FGF12: variants seen among roughly 807,000 people sequenced by gnomAD.
FGF12 encodes fibroblast growth factor 12B.
Under a neutral mutation model 23.6 loss-of-function variants are expected in FGF12, and 14 were observed. That is an observed-to-expected ratio of 0.59 (90% CI 0.39 to 0.93). The LOEUF is 0.93. Ranked by LOEUF, FGF12 falls within the 40% of genes least tolerant of loss-of-function variation. The pLI is 0.00. For synonymous variants in FGF12, 62 were observed against 77.3 expected, an observed-to-expected ratio of 0.80 and a Z score of 1.04; for missense variants, 175 against 217.8, an observed-to-expected ratio of 0.80 and a Z score of 1.24.
chr3:192,422,738 A>G (rs1721571439), intron 2 of FGF12, among the ~76,000 whole-genome samples: 1 of 152,206 alleles, frequency 6.6e-6, no homozygotes, highest in Non-Finnish European at 1.5e-5. Flanking sequence ...TAACTTGGCT[A>G]AGGTTATACA....
chr3:192,600,327 T>C (rs577570663), intron 2 of FGF12, among the ~76,000 whole-genome samples: 1 of 152,258 alleles, frequency 6.6e-6, no homozygotes, highest in African/African-American at 2.4e-5. Flanking sequence ...GGTAGTGTGA[T>C]GCCTTCAGCT....
chr3:192,516,546 A>G (rs1724674414), intron 2 of FGF12: 1 of 152,246 alleles, frequency 6.6e-6, no homozygotes, highest in Admixed American at 6.5e-5. Flanking sequence ...GCCTGGAAGA[A>G]GTCTCTTCCT....
intron 5 of FGF12, among the ~76,000 whole-genome samples, chr3:192,145,930 A>G (rs34309730): frequency 0.48 from 73,119 of 151,746 alleles, 19,082 homozygotes; most frequent in Non-Finnish European, 0.59. Context: ...CTATTATAAA[A>G]AAAATTAAAA....
intron 2 of FGF12, among the ~76,000 whole-genome samples, chr3:192,604,135 T>A (rs563385237): frequency 8.6e-4 from 131 of 152,254 alleles, no homozygotes; most frequent in African/African-American, 3.0e-3. Flanking sequence ...TATGGCTCTT[T>A]TTGCATGCAC....
intron 4 of FGF12, among the ~76,000 whole-genome samples, chr3:192,174,985 G>C (rs763119521): frequency 5.9e-5 from 9 of 152,132 alleles, no homozygotes; most frequent in Non-Finnish European, 1.2e-4. Context: ...CTCAATTCTG[G>C]TTTTTGTCAC....
At chr3:192,437,217 C>CA (rs1722052479) in intron 2 of FGF12, among the ~76,000 whole-genome samples, 1 of 151,770 alleles carries the variant, frequency 6.6e-6, no homozygotes, top group African/African-American at 2.4e-5. Flanking sequence ...TTGCAGACTA[C>CA]AAAAAAATAC....
chr3:192,285,170 C>T (rs1714379496), intron 4 of FGF12, among the ~76,000 whole-genome samples: 1 of 152,026 alleles, frequency 6.6e-6, no homozygotes, highest in African/African-American at 2.4e-5. Flanking sequence ...TCATGTTCTG[C>T]CAGTTTAATC....
At chr3:192,194,382 A>C (rs1471389607) in intron 4 of FGF12, among the ~76,000 whole-genome samples, 1 of 152,212 alleles carries the variant, frequency 6.6e-6, no homozygotes, top group Non-Finnish European at 1.5e-5. Context: ...AGGCTGAGTG[A>C]GAGCTATGAA....
intron 2 of FGF12, among the ~76,000 whole-genome samples, chr3:192,381,462 G>T (rs1434892346): frequency 3.3e-5 from 5 of 152,138 alleles, no homozygotes. Context: ...GAACAAGGCG[G>T]TATGGCTAGT....
chr3:192,443,811 T>A (rs1345555689), intron 2 of FGF12, among the ~76,000 whole-genome samples: 2 of 152,186 alleles, frequency 1.3e-5, no homozygotes, highest in African/African-American at 4.8e-5. Flanking sequence ...CCCATCATGG[T>A]CAAGTTCTGC....
intron 5 of FGF12, among the ~76,000 whole-genome samples, chr3:192,147,386 A>G (rs1281543327): frequency 1.3e-5 from 2 of 152,220 alleles, no homozygotes; most frequent in East Asian, 1.9e-4. Context: ...CTTCAGTAAT[A>G]TAACTGCCTT....
intron 2 of FGF12, among the ~76,000 whole-genome samples, chr3:192,628,702 T>TAC (rs1356225338): frequency 6.7e-6 from 1 of 149,724 alleles, no homozygotes; most frequent in Non-Finnish European, 1.5e-5. Context: ...TATGTATATA[T>TAC]ACACATAAAT....
At chr3:192,593,773 T>C (rs1211901017) in intron 2 of FGF12, among the ~76,000 whole-genome samples, 1 of 151,956 alleles carries the variant, frequency 6.6e-6, no homozygotes, top group African/African-American at 2.4e-5. Context: ...TTCTTTGTTC[T>C]GGGTTGCTTC....
At chr3:192,322,128 A>G (rs1213105836) in intron 4 of FGF12, among the ~76,000 whole-genome samples, 2 of 152,176 alleles carry the variant, frequency 1.3e-5, no homozygotes, top group African/African-American at 4.8e-5. Context: ...GTTAAGTTTC[A>G]GGGTACAAAA....
At chr3:192,302,248 T>C (rs745519102) in intron 4 of FGF12, among the ~76,000 whole-genome samples, 2 of 152,216 alleles carry the variant, frequency 1.3e-5, no homozygotes, top group African/African-American at 2.4e-5. Flanking sequence ...TGTAGGCAAC[T>C]GACTTTGTGA....
chr3:192,432,355 A>G (rs75327999), intron 2 of FGF12, among the ~76,000 whole-genome samples: 1,867 of 152,296 alleles, frequency 0.012, 40 homozygotes, highest in African/African-American at 0.043. Context: ...ACCTTAAAGA[A>G]TAAGAGACAT....
At chr3:192,386,154 T>A (rs975157255) in intron 2 of FGF12, among the ~76,000 whole-genome samples, 2 of 152,200 alleles carry the variant, frequency 1.3e-5, no homozygotes, top group African/African-American at 4.8e-5. Context: ...ATGAACACAG[T>A]CTTCTCTTTC....
Position 192,476,142 on chromosome 3 carries a change from C to T in FGF12, c.14-115604G>A, listed in dbSNP as rs149755444. ...AAAGACTTTCCATACATGGCCTAAA[C>T]ATTGGCTTCAGAGATCACATGTGAG... On this transcript the variant is annotated intron_variant, in intron 2 of 5. Transcript: ENST00000445105. Among the ~76,000 whole-genome samples, 36 of 152,202 alleles carry T rather than the reference C, an allele frequency of 2.4e-4. No homozygotes were observed. The East Asian group carries it at 5.8e-3, about 25-fold the overall frequency.
chr3:192,336,861 A>C lies in FGF12; in HGVS notation c.125-1397T>G, dbSNP rs2108702740. ...AATGTTCAATTGACAGTTGTAGAGG[A>C]TCAAGTCTTAGACCACAAGTTTAGT... On this transcript the variant is annotated intron_variant, in intron 3 of 5. Transcript: ENST00000445105. The surrounding 1 kb of genome is among the most constrained non-coding windows in gnomAD (Gnocchi z 4.3). Among the ~76,000 whole-genome samples the C allele has an allele frequency of 6.6e-6, 1 of 152,232 alleles. No homozygotes were observed. The highest frequency in any genetic ancestry group is 2.1e-4 in the South Asian group (1 of 4,824).
Sources: allele counts gnomAD v4.1 joint callset (sites outside exome capture counted in the v4.1 genomes callset), GRCh38; gene constraint gnomAD v4.1.1; non-coding constraint Gnocchi (gnomAD v3.1); transcripts MANE v1.5; gene names NCBI Gene and HGNC (gene_info 2026-07-23, HGNC 2026-07-21).